ANO4: variants seen among roughly 807,000 people sequenced by gnomAD.
The protein encoded by ANO4 is anoctamin 4.
ANO4 carries 69 observed loss-of-function variants against 141.9 expected under a neutral mutation model. That is an observed-to-expected ratio of 0.49 (90% CI 0.40 to 0.59). The LOEUF (loss-of-function observed/expected upper bound fraction) is 0.59, where lower values mean the gene tolerates loss of function less well. Ranked by LOEUF, ANO4 falls within the 20% of genes least tolerant of loss-of-function variation. ANO4 has a pLI of 0.00. For synonymous variants in ANO4, 350 were observed against 394.3 expected, an observed-to-expected ratio of 0.89 and a Z score of 1.33; for missense variants, 894 against 1,162.2, an observed-to-expected ratio of 0.77 and a Z score of 3.36.
intron 1 of ANO4, among the ~76,000 whole-genome samples, chr12:100,872,856 C>G (rs557533985): frequency 1.3e-5 from 2 of 152,248 alleles, no homozygotes; most frequent in South Asian, 4.1e-4. Context: ...ATGTCCCTGT[C>G]CAAATCTCAT....
At chr12:100,831,493 C>G (rs1162638372) in intron 1 of ANO4, among the ~76,000 whole-genome samples, 2 of 147,116 alleles carry the variant, frequency 1.4e-5, no homozygotes, top group South Asian at 2.2e-4. Context: ...TAGTCAATCA[C>G]TTCCACCTGT....
intron 1 of ANO4, among the ~76,000 whole-genome samples, chr12:100,797,141 T>TAC: frequency 6.6e-6 from 1 of 151,660 alleles, no homozygotes; most frequent in African/African-American, 2.4e-5. Flanking sequence ...TATATATATA[T>TAC]ATATACACAC....
chr12:101,074,678 C>T (rs975510602), intron 14 of ANO4, among the ~76,000 whole-genome samples: 2 of 152,060 alleles, frequency 1.3e-5, no homozygotes, highest in African/African-American at 4.8e-5. Flanking sequence ...TATTGCAAGA[C>T]AAAAGAGAAG....
chr12:100,989,595 A>G (rs944957393), intron 8 of ANO4, among the ~76,000 whole-genome samples: 3 of 146,112 alleles, frequency 2.1e-5, no homozygotes, highest in East Asian at 4.1e-4. Context: ...GGATGGATAC[A>G]TGGATAGGTC....
chr12:101,078,371 ATT>A (rs2049109720), intron 14 of ANO4, among the ~76,000 whole-genome samples: 1 of 151,330 alleles, frequency 6.6e-6, no homozygotes, highest in Non-Finnish European at 1.5e-5. Context: ...GTGCCCCTGT[ATT>A]TGCATTTTGC....
intron 1 of ANO4, among the ~76,000 whole-genome samples, chr12:100,830,859 G>C (rs2036594761): frequency 6.6e-6 from 1 of 152,066 alleles, no homozygotes; most frequent in Non-Finnish European, 1.5e-5. Flanking sequence ...TATCCACTTT[G>C]AGCACAAAAG....
intron 3 of ANO4, among the ~76,000 whole-genome samples, chr12:100,925,842 T>G (rs201736534): frequency 5.1e-5 from 7 of 136,076 alleles, no homozygotes; most frequent in Admixed American, 2.4e-4. Flanking sequence ...TACATACATA[T>G]ATATACACAC....
chr12:100,872,864 C>T (rs1279474143), intron 1 of ANO4, among the ~76,000 whole-genome samples: 1 of 152,168 alleles, frequency 6.6e-6, no homozygotes, highest in Non-Finnish European at 1.5e-5. Flanking sequence ...GTCCAAATCT[C>T]ATGTAGAATT....
At chr12:100,995,530 G>A (rs898413534) in intron 8 of ANO4, among the ~76,000 whole-genome samples, 1 of 152,138 alleles carries the variant, frequency 6.6e-6, no homozygotes, top group African/African-American at 2.4e-5. Context: ...GAAGCATGAT[G>A]TATTTATATT....
intron 7 of ANO4, among the ~76,000 whole-genome samples, chr12:100,986,437 C>T (rs1396611468): frequency 6.6e-6 from 1 of 152,028 alleles, no homozygotes; most frequent in African/African-American, 2.4e-5. Context: ...TTGGTGAGGA[C>T]CAACTTCTTT....
At chr12:100,805,103 C>G (rs545540621) in intron 1 of ANO4, among the ~76,000 whole-genome samples, 70 of 152,148 alleles carry the variant, frequency 4.6e-4, no homozygotes, top group African/African-American at 1.6e-3. Context: ...AAGTCTTTAA[C>G]CTATCTTGAG....
chr12:100,993,052 G>A (rs953795879), intron 8 of ANO4, among the ~76,000 whole-genome samples: 1 of 152,078 alleles, frequency 6.6e-6, no homozygotes, highest in Non-Finnish European at 1.5e-5. Flanking sequence ...AGCAGGGCGT[G>A]GTGGTGCATG....
chr12:100,970,662 T>TTG (rs2043879154), intron 5 of ANO4, among the ~76,000 whole-genome samples: 1 of 35,852 alleles, frequency 2.8e-5, no homozygotes, highest in African/African-American at 8.9e-5. Context: ...CCTCCCTCCC[T>TTG]CTCCTTCCTT....
intron 7 of ANO4, among the ~76,000 whole-genome samples, chr12:100,979,239 A>G (rs1323569008): frequency 6.6e-6 from 1 of 152,138 alleles, no homozygotes; most frequent in Non-Finnish European, 1.5e-5. Flanking sequence ...GGATATTTAG[A>G]AGTTTCAGTA....
chr12:101,064,440 T>C (rs1017146684), intron 14 of ANO4, among the ~76,000 whole-genome samples: 26 of 152,124 alleles, frequency 1.7e-4, no homozygotes, highest in African/African-American at 5.6e-4. Flanking sequence ...TGGAAAATGT[T>C]CCAAGTACAT....
intron 2 of ANO4, among the ~76,000 whole-genome samples, chr12:100,919,241 C>T (rs552137439): frequency 1.3e-5 from 2 of 152,096 alleles, no homozygotes; most frequent in South Asian, 4.1e-4. Flanking sequence ...TTTAATGTGG[C>T]GTAAGTATAC....
chr12:101,096,058 C>T (rs2049970037), intron 18 of ANO4, among the ~76,000 whole-genome samples: 1 of 152,146 alleles, frequency 6.6e-6, no homozygotes, highest in Non-Finnish European at 1.5e-5. Context: ...GTCAAATGCT[C>T]TTAGCCTTCT....
Position 101,111,529 on chromosome 12 carries a change from G to A in ANO4, c.2303-34G>A, listed in dbSNP as rs201912485. On this transcript the variant is annotated intron_variant, in intron 23 of 27. Coordinates refer to ENST00000392977, the MANE Select transcript of ANO4 (RefSeq NM_001286615.2). Reference sequence around the variant, plus strand: ...TTCATAATTATCACCTCTGTTTTGTGTATGGAACTAACACAACACTTCTAT... The same window carrying A: ...TTCATAATTATCACCTCTGTTTTGTATATGGAACTAACACAACACTTCTAT... The A allele has an allele frequency of 4.6e-6, 7 of 1,526,482 alleles. No homozygotes were observed. The South Asian group carries it at 7.7e-5, about 17-fold the overall frequency. The allele number at this position is 1,526,482 out of a possible 1,614,324, so 94.6% of individuals were successfully genotyped here. A position where few individuals can be genotyped will look rare whatever the true frequency, so the allele number is the denominator to read the frequency against.
intron 16 of ANO4, among the ~76,000 whole-genome samples, chr12:101,084,047 G>A (rs536968141): frequency 6.6e-6 from 1 of 152,284 alleles, no homozygotes; most frequent in Non-Finnish European, 1.5e-5. Flanking sequence ...TCAGCCAGTA[G>A]GTAGCTAAGA....
Sources: gnomAD v4.1 joint callset for allele counts (sites outside exome capture counted in the v4.1 genomes callset) on GRCh38, gnomAD v4.1.1 for gene constraint, MANE v1.5 for transcripts, NCBI Gene and HGNC (gene_info 2026-07-23, HGNC 2026-07-21) for gene names.